PKD1L3: variants seen among roughly 807,000 people sequenced by gnomAD.
The protein encoded by PKD1L3 is polycystin 1 like 3, transient receptor potential channel interacting.
In PKD1L3, 239 loss-of-function variants were observed where a neutral mutation model predicts 184.1. The observed-to-expected ratio is 1.30, with a 90% confidence interval of 1.17 to 1.45. The LOEUF (loss-of-function observed/expected upper bound fraction) is 1.45, where lower values mean the gene tolerates loss of function less well. Among genes scored for constraint, PKD1L3 ranks in the 40% most tolerant of loss-of-function variants. The pLI, the probability that PKD1L3 is intolerant of heterozygous loss-of-function variation, is 0.00. For synonymous variants in PKD1L3, 996 were observed against 778.8 expected, an observed-to-expected ratio of 1.28 and a Z score of -4.64; for missense variants, 2,660 against 2,067.2, an observed-to-expected ratio of 1.29 and a Z score of -5.56.
At chr16:71,998,960 T>G (rs1392341816) in intron 1 of PKD1L3, among the ~76,000 whole-genome samples, 1 of 152,156 alleles carries the variant, frequency 6.6e-6, no homozygotes, top group Non-Finnish European at 1.5e-5. Context: ...TTCAAGATTA[T>G]GGTGCATAAC....
intron 11 of PKD1L3, among the ~76,000 whole-genome samples, chr16:71,976,549 G>A (rs1025204619): frequency 2.0e-5 from 3 of 151,870 alleles, no homozygotes. Flanking sequence ...GAGCCACTCT[G>A]CCTGGCCTGT....
chr16:71,929,722 T>C, intron 29 of PKD1L3, 44 bp from the exon 30 acceptor site: 1 of 1,474,932 alleles, frequency 6.8e-7, no homozygotes, highest in South Asian at 1.3e-5. Context: ...AAATTGAAAT[T>C]ACTGCTAATA....
At chr16:71,972,676 C>A (rs1368785979) in intron 12 of PKD1L3, among the ~76,000 whole-genome samples, 1 of 152,010 alleles carries the variant, frequency 6.6e-6, no homozygotes, top group African/African-American at 2.4e-5. Context: ...AGAATGAGAT[C>A]CCACCTCAAA....
intron 22 of PKD1L3, among the ~76,000 whole-genome samples, chr16:71,945,428 A>ATATATG (rs2038565133): frequency 2.8e-5 from 4 of 143,856 alleles, no homozygotes; most frequent in African/African-American, 1.1e-4. Flanking sequence ...ATTTATTTAT[A>ATATATG]TATGTATTGG....
chr16:71,931,803 A>T (rs2037981804), intron 28 of PKD1L3, among the ~76,000 whole-genome samples: 1 of 151,996 alleles, frequency 6.6e-6, no homozygotes, highest in Non-Finnish European at 1.5e-5. Context: ...ATTTGCATAA[A>T]CCCTATATAC....
intron 5 of PKD1L3, among the ~76,000 whole-genome samples, chr16:71,985,102 C>G (rs916405616): frequency 6.6e-6 from 1 of 152,154 alleles, no homozygotes; most frequent in Non-Finnish European, 1.5e-5. Flanking sequence ...TTCAAGAAAT[C>G]TTGATTAAAT....
chr16:71,998,122 T>C (rs74027970), intron 2 of PKD1L3, 150 bp downstream of exon 2: 3 of 1,090,038 alleles, frequency 2.8e-6, no homozygotes, highest in East Asian at 2.7e-5. Context: ...AATTTTCTCA[T>C]GCTAATCAGC....
rs779306705 is a variant in PKD1L3 at position 71,930,060 on chromosome 16, ACTTT to A, written c.5046_5049del (p.Arg1682SerfsTer9). 7.9e-5 allele frequency: 122 copies of A among 1,549,006 alleles called. No individual in the cohort carries two copies. The highest frequency in any genetic ancestry group is 5.0e-4 in the Middle Eastern group (3 of 5,974). On this transcript the variant is annotated frameshift_variant, in exon 29 of 30. Transcript: ENST00000620267. LOFTEE classifies it low-confidence loss of function (END_TRUNC). ...ATCTTTTAGTTACCTACCTTAAGCG[ACTTT>A]CTTTCTTTTCCAAAGGCCATGAGAA...
chr16:71,949,922 A>G lies in PKD1L3; in HGVS notation c.3479T>C (p.Leu1160Pro), dbSNP rs2038763816. The part of the protein sequence containing the change: ...SKWLTSVCWL[L>P]LGFTSLASAF... ...TGAAGCCAGGCTAGTGAAACCTAAGAGGAGCCAGCAGACTGAAGTCAACCA... is the reference window on the plus strand; with the variant it reads ...TGAAGCCAGGCTAGTGAAACCTAAGGGGAGCCAGCAGACTGAAGTCAACCA... The change falls in exon 21 of 30, where the codon CTC becomes CCC. Residue 1160 changes from leucine to proline, a missense_variant. Transcript: ENST00000620267. 5 of 1,551,598 alleles carry G rather than the reference A, an allele frequency of 3.2e-6. No homozygotes were observed. The East Asian group carries it at 7.3e-5, about 23-fold the overall frequency.
intron 7 of PKD1L3, among the ~76,000 whole-genome samples, chr16:71,981,420 T>C (rs2040148407): frequency 6.6e-6 from 1 of 152,186 alleles, no homozygotes; most frequent in South Asian, 2.1e-4. Flanking sequence ...AAGTGGTATC[T>C]CATTTTAGTT....
intron 7 of PKD1L3, among the ~76,000 whole-genome samples, chr16:71,981,346 G>A (rs537001316): frequency 3.3e-5 from 5 of 152,058 alleles, no homozygotes; most frequent in South Asian, 4.1e-4. Context: ...ATCGAACAAT[G>A]GATAGGGTGG....
intron 16 of PKD1L3, among the ~76,000 whole-genome samples, chr16:71,955,466 C>T (rs2039008533): frequency 6.6e-6 from 1 of 151,032 alleles, no homozygotes. Context: ...TGTATATAAA[C>T]ACACACACAT....
chr16:71,979,694 G>C, intron 9 of PKD1L3, 92 bp downstream of exon 9: 1 of 1,401,092 alleles, frequency 7.1e-7, no homozygotes, highest in Non-Finnish European at 9.4e-7. Context: ...GGTCTGTTCA[G>C]TTTACATTTC....
At chr16:71,945,266 C>CTA (rs60469321) in intron 22 of PKD1L3, among the ~76,000 whole-genome samples, 2,622 of 63,406 alleles carry the variant, frequency 0.041, 67 homozygotes, top group Non-Finnish European at 0.057. Flanking sequence ...AATTTCTTAA[C>CTA]TATATATATA....
At chr16:71,974,001 C>CA (rs10605882) in intron 11 of PKD1L3, among the ~76,000 whole-genome samples, 45 of 107,148 alleles carry the variant, frequency 4.2e-4, no homozygotes, top group African/African-American at 1.2e-3. Context: ...GATTTTGTCT[C>CA]AAAAAAAAAA....
At chr16:71,966,604 AT>A (rs563905532) in intron 15 of PKD1L3, among the ~76,000 whole-genome samples, 1 of 151,216 alleles carries the variant, frequency 6.6e-6, no homozygotes, top group South Asian at 2.1e-4. Flanking sequence ...TTTTTTTGAA[AT>A]TTTTTTTGTA....
At chr16:71,990,459 A>G in intron 3 of PKD1L3, 130 bp from the exon 4 acceptor site, 1 of 649,440 alleles carries the variant, frequency 1.5e-6, no homozygotes, top group South Asian at 1.9e-5. Flanking sequence ...AAGGCCGGAC[A>G]TGGTAGCTCA....
chr16:71,960,126 G>T (rs373371954), intron 16 of PKD1L3, among the ~76,000 whole-genome samples: 1 of 145,128 alleles, frequency 6.9e-6, no homozygotes, highest in East Asian at 2.0e-4. Context: ...CCATCTGAAA[G>T]AAACAACCAA....
intron 16 of PKD1L3, among the ~76,000 whole-genome samples, chr16:71,958,352 A>T (rs2039129865): frequency 7.1e-6 from 1 of 141,800 alleles, no homozygotes; most frequent in Admixed American, 7.3e-5. Context: ...CCGCCACTGC[A>T]CTCCAGCCTG....
Sources: gnomAD v4.1 joint callset for allele counts (sites outside exome capture counted in the v4.1 genomes callset) on GRCh38, gnomAD v4.1.1 for gene constraint, MANE v1.5 for transcripts, NCBI Gene and HGNC (gene_info 2026-07-23, HGNC 2026-07-21) for gene names.